The following CBX6 variants were observed in gnomAD, a reference collection of about 807,000 sequenced individuals.
The protein encoded by CBX6 is chromobox protein homolog 6.
In CBX6, 7 loss-of-function variants were observed where a neutral mutation model predicts 28.4. The observed-to-expected ratio is 0.25, with a 90% CI of 0.14 to 0.46. The LOEUF (loss-of-function observed/expected upper bound fraction) is 0.46. CBX6 is among the 20% of genes least tolerant of loss of function. CBX6 has a pLI of 0.99. For synonymous variants in CBX6, 297 were observed against 273.4 expected (o/e 1.09, Z -0.85); for missense variants, 512 against 606.1 (o/e 0.84, Z 1.63).
rs553495972 is a variant in CBX6 at position 38,863,550 on chromosome 22, C to G, written c.*2659G>C. ...GGGGAGGAAGGAGGCTCCACTCACC[C>G]TCGGTCCCATCCACTCGGGCCCCCA... On this transcript the variant is annotated 3_prime_UTR_variant, in exon 5 of 5. Transcript: ENST00000407418. 6.6e-6 allele frequency: 1 copy of G among 152,274 alleles called. No homozygotes were observed. Among genetic ancestry groups the G allele is most frequent in the Non-Finnish European group, 1.5e-5 (1 of 68,118 alleles). 9.4% of individuals were successfully genotyped at this position (152,274 alleles called of 1,614,324 possible). A position where few individuals can be genotyped will look rare whatever the true frequency, so the allele number is the denominator to read the frequency against.
intron 4 of CBX6, among the ~76,000 whole-genome samples, chr22:38,868,953 A>C: frequency 6.6e-6 from 1 of 152,170 alleles, no homozygotes; most frequent in East Asian, 1.9e-4. Flanking sequence ...CCATGGGAGA[A>C]GGGACTGTGA....
rs1012774708 is a variant in CBX6, at chr22:38,863,298, G to C, written c.*2911C>G. ...TTCCTATGATACTTGGGTGGGGAGGGGGCGCACTTAAGGGGAGATGACGGA... is the reference window on the plus strand; with the variant it reads ...TTCCTATGATACTTGGGTGGGGAGGCGGCGCACTTAAGGGGAGATGACGGA... On this transcript the variant is annotated 3_prime_UTR_variant, in exon 5 of 5. Transcript: ENST00000407418. 1 of 152,218 alleles carries C rather than the reference G, an allele frequency of 6.6e-6. No individual in the cohort carries two copies. The highest frequency in any genetic ancestry group is 1.5e-5 in the Non-Finnish European group (1 of 68,050). The allele number at this position is 152,218 out of a possible 1,614,324, so 9.4% of individuals were successfully genotyped here.
In CBX6 at chr22:38,866,826, C is replaced by T. The variant is rs757381627; in HGVS notation, c.622G>A (p.Val208Ile). 1 of 1,612,306 alleles carries T rather than the reference C, an allele frequency of 6.2e-7. No individual in the cohort carries two copies. Among genetic ancestry groups the T allele is most frequent in the Non-Finnish European group, 8.5e-7 (1 of 1,179,280 alleles). ...CTGAACTTCTTGCTCTTGCCTATAACGCGGTTCCGCGAGGGGACTTTGGGG... is the reference window on the plus strand; with the variant it reads ...CTGAACTTCTTGCTCTTGCCTATAATGCGGTTCCGCGAGGGGACTTTGGGG... The part of the protein sequence containing the change: ...ARPKVPSRNR[V>I]IGKSKKFSES... Residue 208 changes from valine (V) to isoleucine (I), a missense_variant, in exon 5 of 5, where the codon GTT (valine) becomes ATT (isoleucine). Physicochemically the swap from Val to Ile is conservative, Grantham distance 29. Coordinates refer to ENST00000407418, the MANE Select transcript of CBX6 (RefSeq NM_014292.5). This position sits in a 1 kb window ranked among gnomAD's most constrained non-coding sequence, Gnocchi z 7.5.
At position 38,866,225 on chromosome 22, in the gene CBX6, A is replaced by G. The variant is rs1349863344; in HGVS notation, c.1223T>C (p.Ile408Thr). The G allele has an allele frequency of 7.5e-6, 12 of 1,610,290 alleles. No individual in the cohort carries two copies. In the South Asian group the frequency reaches 7.7e-5, roughly 10 times the overall value. Residue 408 changes from isoleucine (I) to threonine (T), a missense_variant, in exon 5 of 5, where the codon ATT becomes ACT. Physicochemically the swap from Ile to Thr is moderately conservative, Grantham distance 89. Coordinates refer to ENST00000407418, the MANE Select transcript of CBX6 (RefSeq NM_014292.5). This position sits in a 1 kb window ranked among gnomAD's most constrained non-coding sequence, Gnocchi z 7.5. ...VAGAAGGGGS[I>T]GASK ...GGAGCCCCCTCACTTGCTCGCCCCA[A>G]TGCTGCCACCGCCCCCAGCGGCGCC...
rs150776468 is a variant in CBX6 at position 38,865,832 on chromosome 22, G to A, written c.*377C>T. On this transcript the variant is annotated 3_prime_UTR_variant, in exon 5 of 5. Coordinates refer to ENST00000407418, the MANE Select transcript of CBX6 (RefSeq NM_014292.5). ...GGACTGTGTCCACCCTCGGTGGGGG[G>A]CTCCTAAGGGCCCCACAGCTGCCAG... is the stretch of plus-strand genomic sequence containing the variant. 12 of 219,876 alleles carry A rather than the reference G, an allele frequency of 5.5e-5. No individual in the cohort carries two copies. The Admixed American group carries it at 5.7e-4, about 10-fold the overall frequency. The allele number at this position is 219,876 out of a possible 1,614,324, so 13.6% of individuals were successfully genotyped here.
In CBX6 at chr22:38,866,291, C is replaced by T. The variant is rs1243420884; in HGVS notation, c.1157G>A (p.Cys386Tyr). ...CACCTTCTCGAAATCCTCAGGGTTG[C>T]AGAATTCCTTGATTGTGACCGTCAG... The part of the protein sequence containing the change: ...NLLTVTIKEF[C>Y]NPEDFEKVAA... The change falls in exon 5 of 5, where the codon TGC becomes TAC. Residue 386 changes from cysteine to tyrosine, a missense_variant. Transcript: ENST00000407418. The surrounding 1 kb of genome is among the most constrained non-coding windows in gnomAD (Gnocchi z 7.5). The T allele has an allele frequency of 6.2e-7, 1 of 1,613,968 alleles. No homozygotes were observed. The highest frequency in any genetic ancestry group is 1.6e-4 in the Middle Eastern group (1 of 6,062).
intron 4 of CBX6, 130 bp from the exon 5 acceptor site, chr22:38,867,331 G>C: frequency 1.2e-6 from 1 of 805,774 alleles, no homozygotes; most frequent in South Asian, 1.8e-5. Flanking sequence ...GATAATCACT[G>C]GTCTTCATGA....
chr22:38,861,709 G>C lies in CBX6; in HGVS notation c.*4500C>G, dbSNP rs2093157648. On this transcript the variant is annotated 3_prime_UTR_variant, in exon 5 of 5. Transcript: ENST00000407418. ...GGGACCTGCCCCCCATGCTGGGGCG[G>C]CACCTCCGTTTTCCATCTCCTGCCA... The C allele has an allele frequency of 6.6e-6, 1 of 152,154 alleles. No homozygotes were observed. The highest frequency in any genetic ancestry group is 1.5e-5 in the Non-Finnish European group (1 of 68,040). The allele number at this position is 152,154 out of a possible 1,614,324, so 9.4% of individuals were successfully genotyped here.
In CBX6 at chr22:38,866,842, G is replaced by A; in HGVS notation, c.606C>T (p.Val202=). The part of the protein sequence containing the change: ...QGAGALARPK[V]PSRNRVIGKS... ...TGCCTATAACGCGGTTCCGCGAGGG[G>A]ACTTTGGGGCGGGCCAGCGCCCCGG... is the stretch of plus-strand genomic sequence containing the variant. The change falls in exon 5 of 5, where the codon GTC becomes GTT. Residue 202 remains valine (V), a synonymous_variant. Transcript: ENST00000407418. This position sits in a 1 kb window ranked among gnomAD's most constrained non-coding sequence, Gnocchi z 7.5. 1 of 1,611,586 alleles carries A rather than the reference G, an allele frequency of 6.2e-7. No individual in the cohort carries two copies. The highest frequency in any genetic ancestry group is 8.5e-7 in the Non-Finnish European group (1 of 1,178,986).
chr22:38,871,960 G>A lies in CBX6; in HGVS notation c.70-15C>T, dbSNP rs2093183293. ...TCGATGCGTCCCTGAAAAACAGAGG[G>A]GAGAAAAACGGGGGTGGGGGTGGGG... On this transcript the variant is annotated splice_polypyrimidine_tract_variant and intron_variant, in intron 1 of 4. Transcript: ENST00000407418. The surrounding 1 kb of genome is among the most constrained non-coding windows in gnomAD (Gnocchi z 5.6). 3.3e-6 allele frequency: 5 copies of A among 1,524,552 alleles called. No individual in the cohort carries two copies. The highest frequency in any genetic ancestry group is 3.5e-6 in the Non-Finnish European group (4 of 1,134,964). The allele number at this position is 1,524,552 out of a possible 1,614,324, so 94.4% of individuals were successfully genotyped here.
rs895128516 is a variant in CBX6 at position 38,866,368 on chromosome 22, G to A, written c.1080C>T (p.Pro360=). The A allele has an allele frequency of 4.3e-6, 7 of 1,613,520 alleles. No homozygotes were observed. Among genetic ancestry groups the A allele is most frequent in the African/African-American group, 1.3e-5 (1 of 74,934 alleles). ...SSEPEAGDWR[P]EMSPCSNVVV... ...CCACATTGGAGCAGGGTGACATCTC[G>A]GGGCGCCAGTCCCCAGCCTCGGGCT... The change falls in exon 5 of 5, where the codon CCC becomes CCT. Residue 360 remains proline, a synonymous_variant. Coordinates refer to ENST00000407418, the MANE Select transcript of CBX6 (RefSeq NM_014292.5). This position sits in a 1 kb window ranked among gnomAD's most constrained non-coding sequence, Gnocchi z 7.5.
rs1419050919 is a variant in CBX6, at chr22:38,863,023, T to C, written c.*3186A>G. 6.6e-6 allele frequency: 1 copy of C among 152,202 alleles called. No homozygotes were observed. The highest frequency in any genetic ancestry group is 1.5e-5 in the Non-Finnish European group (1 of 68,044). The allele number at this position is 152,202 out of a possible 1,614,324, so 9.4% of individuals were successfully genotyped here. A position where few individuals can be genotyped will look rare whatever the true frequency, so the allele number is the denominator to read the frequency against. ...AGATCATAGGAAGGATGAGGCTCAT[T>C]TTGACCTTGACCCCTTTGCAGGGTG... On this transcript the variant is annotated 3_prime_UTR_variant, in exon 5 of 5. Transcript: ENST00000407418.
chr22:38,871,963 G>T lies in CBX6; in HGVS notation c.70-18C>A. The T allele has an allele frequency of 7.5e-7, 1 of 1,328,946 alleles. No homozygotes were observed. The highest frequency in any genetic ancestry group is 1.0e-6 in the Non-Finnish European group (1 of 981,032). 82.3% of individuals were successfully genotyped at this position (1,328,946 alleles called of 1,614,324 possible). Reference sequence around the variant, plus strand: ...ATGCGTCCCTGAAAAACAGAGGGGAGAAAAACGGGGGTGGGGGTGGGGAGG... The same window carrying T: ...ATGCGTCCCTGAAAAACAGAGGGGATAAAAACGGGGGTGGGGGTGGGGAGG... On this transcript the variant is annotated intron_variant, in intron 1 of 4. Coordinates refer to ENST00000407418, the MANE Select transcript of CBX6 (RefSeq NM_014292.5). The surrounding 1 kb of genome is among the most constrained non-coding windows in gnomAD (Gnocchi z 5.6).
In CBX6 at chr22:38,871,407, C is replaced by T. The variant is rs775582650; in HGVS notation, c.246+73G>A. 2.5e-5 allele frequency: 36 copies of T among 1,459,212 alleles called. No homozygotes were observed. The highest frequency in any genetic ancestry group is 1.4e-4 in the South Asian group (11 of 79,058). 90.4% of individuals were successfully genotyped at this position (1,459,212 alleles called of 1,614,324 possible). A position where few individuals can be genotyped will look rare whatever the true frequency, so the allele number is the denominator to read the frequency against. On this transcript the variant is annotated intron_variant, in intron 4 of 4. Transcript: ENST00000407418. This position sits in a 1 kb window ranked among gnomAD's most constrained non-coding sequence, Gnocchi z 5.6. ...CTTGGGCGGCCGCGTATCTGTCCCT[C>T]CCTTCCAGGCCCCGTGCTGTGCCGG...
Position 38,871,665 on chromosome 22 carries a change from C to A in CBX6, c.179+27G>T, listed in dbSNP as rs138074053. 1,979 of 1,613,100 alleles carry A rather than the reference C, an allele frequency of 1.2e-3. 26 individuals carry two copies. In the African/African-American group the frequency reaches 0.023, roughly 19 times the overall value. The stretch of plus-strand genomic sequence containing the variant: ...CCCCAGCCGAGCCTCGGCCTCGCAG[C>A]CCCTGCCAGCTTCCCCAACAACTCA... On this transcript the variant is annotated intron_variant, in intron 3 of 4. Transcript: ENST00000407418. The surrounding 1 kb of genome is among the most constrained non-coding windows in gnomAD (Gnocchi z 5.6).
intron 4 of CBX6, among the ~76,000 whole-genome samples, chr22:38,868,712 G>A (rs117871558): frequency 1.3e-3 from 199 of 152,240 alleles, no homozygotes; most frequent in Non-Finnish European, 2.3e-3. Context: ...CCGAGAAGAA[G>A]GCCATGTCCC....
At chr22:38,868,947 G>A (rs1293173936) in intron 4 of CBX6, among the ~76,000 whole-genome samples, 1 of 152,194 alleles carries the variant, frequency 6.6e-6, no homozygotes, top group Non-Finnish European at 1.5e-5. Context: ...TCACCCCCAT[G>A]GGAGAAGGGA....
intron 4 of CBX6, among the ~76,000 whole-genome samples, chr22:38,869,344 G>C (rs752300666): frequency 6.6e-6 from 1 of 152,174 alleles, no homozygotes; most frequent in Admixed American, 6.5e-5. Context: ...CCCTGGCTCA[G>C]TGAGTCTCCT....
At position 38,871,834 on chromosome 22, in the gene CBX6, C is replaced by A; in HGVS notation, c.113+68G>T. 6.4e-7 allele frequency: 1 copy of A among 1,571,164 alleles called. No homozygotes were observed. Among genetic ancestry groups the A allele is most frequent in the Non-Finnish European group, 8.7e-7 (1 of 1,155,320 alleles). Reference sequence around the variant, plus strand: ...CACGCGGCGAGAGCAAGAGCGCGCACCCCCACCCCAGGCCCCGGTGCCCGC... The same window carrying A: ...CACGCGGCGAGAGCAAGAGCGCGCAACCCCACCCCAGGCCCCGGTGCCCGC... On this transcript the variant is annotated intron_variant, in intron 2 of 4. Transcript: ENST00000407418. This position sits in a 1 kb window ranked among gnomAD's most constrained non-coding sequence, Gnocchi z 5.6.
Sources: gnomAD v4.1 joint callset for allele counts (sites outside exome capture counted in the v4.1 genomes callset) on GRCh38, gnomAD v4.1.1 for gene constraint, Gnocchi (gnomAD v3.1) non-coding constraint, MANE v1.5 for transcripts, NCBI Gene and HGNC (gene_info 2026-07-23, HGNC 2026-07-21) for gene names.